The following ABCB1 variants were observed in gnomAD, a reference collection of about 807,000 sequenced individuals.
ABCB1 encodes ATP binding cassette subfamily B member 1, also known as ATP-dependent translocase ABCB1.
ABCB1 carries 69 observed loss-of-function variants against 142.0 expected under a neutral mutation model. That is an observed-to-expected ratio of 0.49 (90% CI 0.40 to 0.59). The LOEUF (loss-of-function observed/expected upper bound fraction) is 0.59. ABCB1 is among the 20% of genes least tolerant of loss of function. ABCB1 has a pLI of 0.00. For missense variants in ABCB1, 1,326 were observed against 1,554.7 expected (o/e 0.85, Z 2.47); for synonymous variants, 532 against 539.2 (o/e 0.99, Z 0.18).
chr7:87,566,747 G>A, intron 6 of ABCB1, 38 bp downstream of exon 6: 3 of 1,591,974 alleles, frequency 1.9e-6, no homozygotes, highest in South Asian at 2.2e-5. Context: ...CTAAGGATAA[G>A]AACGACACCC....
chr7:87,575,179 A>C (rs1056927518), intron 4 of ABCB1, among the ~76,000 whole-genome samples: 2 of 152,230 alleles, frequency 1.3e-5, no homozygotes, highest in African/African-American at 4.8e-5. Flanking sequence ...TGACCTAAAT[A>C]CTTCAGTACA....
intron 1 of ABCB1, among the ~76,000 whole-genome samples, chr7:87,712,529 C>T (rs1311795640): frequency 2.6e-5 from 4 of 151,894 alleles, no homozygotes; most frequent in African/African-American, 9.7e-5. Flanking sequence ...TAGTCTTTTC[C>T]AAATAGAAAT....
Position 87,701,871 on chromosome 7 carries a change from C to T in ABCB1, c.-331+11290G>A, listed in dbSNP as rs187123054. ...GTAAAACAGAGATACTGGCCGGGCGCGGTGGCTCACGCCTGTAATCCCAGC... is the reference window on the plus strand; with the variant it reads ...GTAAAACAGAGATACTGGCCGGGCGTGGTGGCTCACGCCTGTAATCCCAGC... On this transcript the variant is annotated intron_variant, in intron 1 of 28. Transcript: ENST00000265724. Among the ~76,000 whole-genome samples, 431 of 152,132 alleles carry T rather than the reference C, an allele frequency of 2.8e-3. 1 individual carries two copies. The highest frequency in any genetic ancestry group is 7.6e-3 in the African/African-American group (315 of 41,508).
rs150249967 is a variant in ABCB1, at chr7:87,536,966, T to C, written c.2398-425A>G. 2.7e-4 allele frequency: 62 copies of C among 227,940 alleles called. 2 individuals are homozygous for C. The East Asian group carries it at 6.2e-3, about 23-fold the overall frequency. The allele number at this position is 227,940 out of a possible 1,614,324, so 14.1% of individuals were successfully genotyped here. On this transcript the variant is annotated intron_variant, in intron 19 of 27. Coordinates refer to ENST00000622132, the MANE Select transcript of ABCB1 (RefSeq NM_001348946.2). The stretch of plus-strand genomic sequence containing the variant: ...GGGGACATCTGAACAGAGGCCTGAA[T>C]GAAGGAAAGGATGAGAATACCTCAG...
chr7:87,672,366 C>A (rs1585058987), intron 1 of ABCB1, among the ~76,000 whole-genome samples: 2 of 152,152 alleles, frequency 1.3e-5, no homozygotes, highest in Admixed American at 1.3e-4. Context: ...GGTGCCCAAA[C>A]AGCATAGATG....
intron 17 of ABCB1, 121 bp downstream of exon 17, chr7:87,544,008 T>C: frequency 8.2e-7 from 1 of 1,224,062 alleles, no homozygotes; most frequent in Non-Finnish European, 1.2e-6. Context: ...AGCCAATTAG[T>C]TTCATATGGA....
intron 4 of ABCB1, 109 bp from the exon 5 acceptor site, chr7:87,570,332 A>T: frequency 9.1e-7 from 1 of 1,092,998 alleles, no homozygotes; most frequent in Non-Finnish European, 1.4e-6. Context: ...ACATAAAAAT[A>T]GGTCGAACTG....
In ABCB1 at chr7:87,503,298, C is replaced by T. The variant is rs1386583571; in HGVS notation, c.*945G>A. On this transcript the variant is annotated 3_prime_UTR_variant, in exon 28 of 28. Transcript: ENST00000622132. ...TTTTGGCTAATTTAAAAAAATTTGT[C>T]GTCCAGAGTCCCAACCTTTGGAATA... 3.3e-5 allele frequency among the ~76,000 whole-genome samples: 5 copies of T among 151,758 alleles called. No homozygotes were observed. Among genetic ancestry groups the T allele is most frequent in the Non-Finnish European group, 5.9e-5 (4 of 67,940 alleles).
At chr7:87,611,791 A>C (rs1359396525) in intron 1 of ABCB1, among the ~76,000 whole-genome samples, 1 of 152,170 alleles carries the variant, frequency 6.6e-6, no homozygotes, top group Non-Finnish European at 1.5e-5. Context: ...AGTTTCTCAA[A>C]GGAATTGTTT....
At chr7:87,640,181 T>C (rs2214101) in intron 1 of ABCB1, among the ~76,000 whole-genome samples, 14,405 of 148,826 alleles carry the variant, frequency 0.097, 831 homozygotes, top group African/African-American at 0.17. Context: ...AACATACTTA[T>C]ATATATATGT....
Position 87,544,811 on chromosome 7 carries a change from C to A in ABCB1, c.2064+12G>T. ...AGTGAGATTAAAACAAACTCCGCAT[C>A]TCCCTTCATACCAGAGCCTCTTTGG... On this transcript the variant is annotated intron_variant, in intron 16 of 27. Transcript: ENST00000622132. 6.2e-7 allele frequency: 1 copy of A among 1,613,888 alleles called. No homozygotes were observed. The highest frequency in any genetic ancestry group is 8.5e-7 in the Non-Finnish European group (1 of 1,179,946).
At chr7:87,593,649 T>A (rs1159785207) in intron 3 of ABCB1, among the ~76,000 whole-genome samples, 1 of 152,258 alleles carries the variant, frequency 6.6e-6, no homozygotes, top group Non-Finnish European at 1.5e-5. Context: ...GCCTTCCTTC[T>A]ATGAGTCTGA....
At chr7:87,508,504 C>G (rs186981218) in intron 26 of ABCB1, among the ~76,000 whole-genome samples, 2 of 152,136 alleles carry the variant, frequency 1.3e-5, no homozygotes, top group Non-Finnish European at 2.9e-5. Context: ...AACTAATACA[C>G]AGGACCTAAG....
chr7:87,522,074 G>A, intron 21 of ABCB1: 1 of 1,159,148 alleles, frequency 8.6e-7, no homozygotes, highest in Non-Finnish European at 1.3e-6. Flanking sequence ...TTTGGTGGTG[G>A]TCGTGGAGGT....
chr7:87,694,209 A>G (rs1393016655), intron 1 of ABCB1, among the ~76,000 whole-genome samples: 1 of 152,138 alleles, frequency 6.6e-6, no homozygotes, highest in Non-Finnish European at 1.5e-5. Flanking sequence ...AGTGCTGTAT[A>G]ATAATAAATA....
At chr7:87,552,702 G>C (rs1158308077) in intron 9 of ABCB1, among the ~76,000 whole-genome samples, 1 of 124,534 alleles carries the variant, frequency 8.0e-6, no homozygotes, top group African/African-American at 3.4e-5. Flanking sequence ...TGTTGGATAA[G>C]GCAAATTTGA....
chr7:87,668,200 C>T (rs1244968763), intron 1 of ABCB1, among the ~76,000 whole-genome samples: 2 of 151,792 alleles, frequency 1.3e-5, no homozygotes, highest in Non-Finnish European at 2.9e-5. Context: ...CAGTTTCTTC[C>T]TGGCTCTGTC....
At chr7:87,588,865 T>C (rs578251217) in intron 3 of ABCB1, among the ~76,000 whole-genome samples, 2 of 152,368 alleles carry the variant, frequency 1.3e-5, no homozygotes, top group South Asian at 4.1e-4. Context: ...TTAAATGGTT[T>C]CTCACAGTGG....
chr7:87,708,745 G>A (rs988844742), intron 1 of ABCB1, among the ~76,000 whole-genome samples: 2 of 151,932 alleles, frequency 1.3e-5, no homozygotes, highest in African/African-American at 4.8e-5. Context: ...GTTTGGTGGT[G>A]GTAAAATGAA....
Sources: allele counts gnomAD v4.1 joint callset (sites outside exome capture counted in the v4.1 genomes callset), GRCh38; gene constraint gnomAD v4.1.1; transcripts MANE v1.5; gene names NCBI Gene and HGNC (gene_info 2026-07-23, HGNC 2026-07-21).